The following YTHDC1 variants were observed in gnomAD, a reference collection of about 807,000 sequenced individuals.
The protein encoded by YTHDC1 is YTH N6-methyladenosine RNA binding protein C1.
Under a neutral mutation model 107.0 loss-of-function variants are expected in YTHDC1, and 12 were observed. The observed-to-expected ratio is 0.11, with a 90% CI of 0.07 to 0.18. YTHDC1 has a LOEUF of 0.18. Ranked by LOEUF, YTHDC1 falls within the 10% of genes least tolerant of loss-of-function variation. YTHDC1 has a pLI of 1.00. For missense variants in YTHDC1, 635 were observed against 898.8 expected (o/e 0.71, Z 3.75); for synonymous variants, 280 against 289.5 (o/e 0.97, Z 0.33).
intron 7 of YTHDC1, among the ~76,000 whole-genome samples, chr4:68,330,696 G>A (rs576193118): frequency 6.6e-6 from 1 of 152,040 alleles, no homozygotes; most frequent in African/African-American, 2.4e-5. Context: ...TTGCAAAACC[G>A]TACCTGATCA....
chr4:68,318,669 T>C (rs1722122158), intron 14 of YTHDC1, 21 bp downstream of exon 14: 5 of 1,613,336 alleles, frequency 3.1e-6, no homozygotes, highest in South Asian at 2.2e-5. Flanking sequence ...CCACATTAAA[T>C]AGATAAAATG....
At chr4:68,324,103 ATG>A (rs1432713568) in intron 10 of YTHDC1, 34 bp downstream of exon 10, 5 of 1,562,452 alleles carry the variant, frequency 3.2e-6, no homozygotes, top group Non-Finnish European at 4.4e-6. Context: ...GGTTGATTAA[ATG>A]TGTTTTTTTA....
intron 11 of YTHDC1, among the ~76,000 whole-genome samples, chr4:68,320,423 T>C (rs1205135129): frequency 6.6e-6 from 1 of 152,164 alleles, no homozygotes; most frequent in Non-Finnish European, 1.5e-5. Context: ...AGATATTCTC[T>C]GCCAACTCAT....
intron 9 of YTHDC1, among the ~76,000 whole-genome samples, chr4:68,329,346 C>T (rs914859016): frequency 2.6e-5 from 4 of 152,146 alleles, no homozygotes; most frequent in East Asian, 1.9e-4. Flanking sequence ...CCGACCCCTT[C>T]AGGCTCATCA....
rs2109670447 is a variant in YTHDC1, at chr4:68,313,876, A to G, written c.*223T>C. ...TTGGACTGTTCCATTCTGCCCCAAT[A>G]AAAGTGTCAATTCAACTGTCAGCTG... On this transcript the variant is annotated 3_prime_UTR_variant, in exon 17 of 17. Coordinates refer to ENST00000344157, the MANE Select transcript of YTHDC1 (RefSeq NM_001031732.4). The G allele has an allele frequency of 1.7e-6, 1 of 589,802 alleles. No individual in the cohort carries two copies. Among genetic ancestry groups the G allele is most frequent in the Non-Finnish European group, 3.0e-6 (1 of 334,000 alleles). The allele number at this position is 589,802 out of a possible 1,614,324, so 36.5% of individuals were successfully genotyped here.
intron 1 of YTHDC1, among the ~76,000 whole-genome samples, chr4:68,347,318 A>G (rs1216004500): frequency 1.3e-5 from 2 of 152,234 alleles, no homozygotes; most frequent in Admixed American, 6.5e-5. Flanking sequence ...GAAAAGATGC[A>G]TATTTCCTCC....
intron 10 of YTHDC1, 105 bp from the exon 11 acceptor site, chr4:68,323,020 C>T (rs1722599647): frequency 8.9e-7 from 1 of 1,118,164 alleles, no homozygotes; most frequent in Non-Finnish European, 1.3e-6. Context: ...GCTTTCTTCC[C>T]AAGGCTGATG....
At chr4:68,342,076 A>G (rs1312249479) in intron 1 of YTHDC1, among the ~76,000 whole-genome samples, 2 of 152,216 alleles carry the variant, frequency 1.3e-5, no homozygotes, top group Non-Finnish European at 2.9e-5. Flanking sequence ...CAAAACAGGT[A>G]TGGTATATGC....
chr4:68,341,306 G>A (rs1032675073), intron 1 of YTHDC1, among the ~76,000 whole-genome samples: 8 of 151,936 alleles, frequency 5.3e-5, no homozygotes, highest in African/African-American at 1.7e-4. Flanking sequence ...ATATTAAAAG[G>A]GCATATATAC....
At chr4:68,343,520 T>C (rs1461760772) in intron 1 of YTHDC1, among the ~76,000 whole-genome samples, 1 of 131,626 alleles carries the variant, frequency 7.6e-6, no homozygotes, top group Non-Finnish European at 1.6e-5. Context: ...TCACTTAAAA[T>C]CTTTAAAAAA....
Position 68,322,827 on chromosome 4 carries a change from C to A in YTHDC1, c.1523G>T (p.Arg508Leu). ...CTGAGAATGCATTCTTCTCTTGTGA[C>A]GCATTTTATGAATGACCTGATACAA... is the stretch of plus-strand genomic sequence containing the variant. The part of the protein sequence containing the change: ...IDLYQVIHKM[R>L]HKRRMHSQPR... The change falls in exon 11 of 17, where the codon CGT becomes CTT. Residue 508 changes from arginine to leucine, a missense_variant. Transcript: ENST00000344157. The surrounding 1 kb of genome is among the most constrained non-coding windows in gnomAD (Gnocchi z 4.8). The A allele has an allele frequency of 6.2e-7, 1 of 1,614,138 alleles. No homozygotes were observed. The highest frequency in any genetic ancestry group is 1.1e-5 in the South Asian group (1 of 91,084).
At chr4:68,328,552 G>A (rs908940155) in intron 9 of YTHDC1, among the ~76,000 whole-genome samples, 10 of 152,240 alleles carry the variant, frequency 6.6e-5, no homozygotes, top group Non-Finnish European at 1.5e-4. Flanking sequence ...TTTCCATGTT[G>A]ATATGTGCAC....
chr4:68,324,864 C>T (rs1722810916), intron 9 of YTHDC1, among the ~76,000 whole-genome samples: 1 of 152,104 alleles, frequency 6.6e-6, no homozygotes, highest in Non-Finnish European at 1.5e-5. Context: ...AATTTAAATA[C>T]TAAAAACCTG....
intron 1 of YTHDC1, 94 bp downstream of exon 1, chr4:68,349,625 TCCCCAAC>T: frequency 7.5e-6 from 3 of 402,654 alleles, no homozygotes; most frequent in Non-Finnish European, 9.8e-6. Context: ...CCAGCTAACC[TCCCCAAC>T]CCCCACCCCC....
intron 9 of YTHDC1, 150 bp downstream of exon 9, chr4:68,329,852 A>C: frequency 1.8e-6 from 1 of 566,518 alleles, no homozygotes; most frequent in East Asian, 2.6e-5. Flanking sequence ...ACTTTAGACT[A>C]AATACGCCTT....
Position 68,322,886 on chromosome 4 carries a change from A to T in YTHDC1, c.1464T>A (p.Leu488=). The T allele has an allele frequency of 6.2e-7, 1 of 1,613,970 alleles. No homozygotes were observed. The highest frequency in any genetic ancestry group is 8.5e-7 in the Non-Finnish European group (1 of 1,179,908). The change falls in exon 11 of 17, where the codon CTT becomes CTA. Residue 488 remains leucine (L), a synonymous_variant. Transcript: ENST00000344157. The surrounding 1 kb of genome is among the most constrained non-coding windows in gnomAD (Gnocchi z 4.8). ...TTTCATCGGGGGGAAACAGAAGACA[A>T]AGCTGGGTTCCACATTCAAGTTCAA... ...QEIELECGTQ[L]CLLFPPDESI... is the part of the protein sequence containing the mutation.
At chr4:68,339,782 A>C (rs1282599324) in intron 1 of YTHDC1, among the ~76,000 whole-genome samples, 1 of 152,166 alleles carries the variant, frequency 6.6e-6, no homozygotes, top group East Asian at 1.9e-4. Context: ...AATAAAAAAA[A>C]CATTTAGAGC....
intron 1 of YTHDC1, among the ~76,000 whole-genome samples, chr4:68,343,514 T>C (rs1299120230): frequency 7.0e-6 from 1 of 143,216 alleles, no homozygotes; most frequent in African/African-American, 2.6e-5. Context: ...AAAAAATCAC[T>C]TAAAATCTTT....
intron 6 of YTHDC1, among the ~76,000 whole-genome samples, 159 bp from the exon 7 acceptor site, chr4:68,332,356 G>A (rs1723683318): frequency 1.3e-5 from 2 of 152,014 alleles, no homozygotes; most frequent in Admixed American, 6.6e-5. Context: ...ATGTAATAAA[G>A]CAAAGCTAAG....
Sources: gnomAD v4.1 joint callset for allele counts (sites outside exome capture counted in the v4.1 genomes callset) on GRCh38, gnomAD v4.1.1 for gene constraint, Gnocchi (gnomAD v3.1) non-coding constraint, MANE v1.5 for transcripts, NCBI Gene and HGNC (gene_info 2026-07-23, HGNC 2026-07-21) for gene names.